LPP: variants seen among roughly 807,000 people sequenced by gnomAD.
LPP encodes lipoma-preferred partner.
In LPP, 38 loss-of-function variants were observed where a neutral mutation model predicts 60.4. The ratio of observed to expected loss-of-function variants is 0.63; its 90% CI spans 0.49 to 0.83. LPP has a LOEUF of 0.83. Among genes scored for constraint, LPP ranks in the 40% least tolerant of loss-of-function variants. The pLI is 0.00. For synonymous variants in LPP, 328 were observed against 290.8 expected (o/e 1.13, Z -1.30); for missense variants, 902 against 783.6 (o/e 1.15, Z -1.80).
intron 7 of LPP, among the ~76,000 whole-genome samples, chr3:188,698,708 G>A (rs1863790819): frequency 6.6e-6 from 1 of 152,168 alleles, no homozygotes; most frequent in Non-Finnish European, 1.5e-5. Context: ...GAAGCCTAAG[G>A]GAGGCTGCTC....
chr3:188,497,306 TATG>T (rs1810527911), intron 5 of LPP, among the ~76,000 whole-genome samples: 1 of 152,208 alleles, frequency 6.6e-6, no homozygotes, highest in Non-Finnish European at 1.5e-5. Context: ...GGTATGATAG[TATG>T]ATAATTCCAC....
chr3:188,799,597 G>C (rs1176626965), intron 9 of LPP, among the ~76,000 whole-genome samples: 2 of 152,096 alleles, frequency 1.3e-5, no homozygotes, highest in African/African-American at 4.8e-5. Context: ...TTCCAGCATA[G>C]AAGTATGTCA....
chr3:188,626,806 A>T (rs1384467608), intron 7 of LPP, among the ~76,000 whole-genome samples: 1 of 152,182 alleles, frequency 6.6e-6, no homozygotes, highest in African/African-American at 2.4e-5. Context: ...ATTAATTTGA[A>T]GGGAGACATG....
intron 3 of LPP, among the ~76,000 whole-genome samples, chr3:188,382,713 G>C (rs1197682793): frequency 6.6e-6 from 1 of 152,104 alleles, no homozygotes; most frequent in Non-Finnish European, 1.5e-5. Flanking sequence ...GCTAATTATG[G>C]TTTCGTTTCT....
intron 2 of LPP, among the ~76,000 whole-genome samples, chr3:188,310,349 C>T (rs1015448052): frequency 6.6e-6 from 1 of 151,820 alleles, no homozygotes; most frequent in African/African-American, 2.4e-5. Flanking sequence ...TGTGGTGATC[C>T]ATGTTCACAA....
chr3:188,318,781 C>T (rs1168585607), intron 2 of LPP, among the ~76,000 whole-genome samples: 7 of 95,166 alleles, frequency 7.4e-5, no homozygotes, highest in African/African-American at 1.9e-4. Context: ...TTTTTTGAGA[C>T]GGAGTCTCGC....
Position 188,406,143 on chromosome 3 carries a change from C to T in LPP, c.23C>T (p.Pro8Leu), listed in dbSNP as rs764400302. MSHPSWL[P>L]PKSTGEPLGH... ...ACAATGTCTCACCCATCTTGGCTGC[C>T]ACCCAAAAGCACTGGTGAGCCCCTC... Residue 8 changes from proline to leucine, a missense_variant, in exon 4 of 12, where the codon CCA becomes CTA. Transcript: ENST00000617246. 1 of 1,612,722 alleles carries T rather than the reference C, an allele frequency of 6.2e-7. No homozygotes were observed. Among genetic ancestry groups the T allele is most frequent in the South Asian group, 1.1e-5 (1 of 90,766 alleles).
chr3:188,876,523 C>T lies in LPP; in HGVS notation c.*2044C>T, dbSNP rs1769272992. The T allele has an allele frequency of 9.8e-6, 2 of 204,654 alleles. No individual in the cohort carries two copies. Among genetic ancestry groups the T allele is most frequent in the African/African-American group, 4.6e-5 (2 of 43,716 alleles). The allele number at this position is 204,654 out of a possible 1,614,324, so 12.7% of individuals were successfully genotyped here. A position where few individuals can be genotyped will look rare whatever the true frequency, so the allele number is the denominator to read the frequency against. On this transcript the variant is annotated 3_prime_UTR_variant, in exon 12 of 12. Transcript: ENST00000617246. ...TTTTGGGAGGCAATGTCAACTGTGT[C>T]TCTGAATTCCTGTCTTCCAAATTGA...
rs545004016 is a variant in LPP at position 188,888,299 on chromosome 3, G to A, written c.*13820G>A. ...AGTAGCAAATCTGTGCCATGAAGTAGATGTGGCGTGAAGATACAGAGCCTG... is the reference window on the plus strand; with the variant it reads ...AGTAGCAAATCTGTGCCATGAAGTAAATGTGGCGTGAAGATACAGAGCCTG... On this transcript the variant is annotated 3_prime_UTR_variant, in exon 12 of 12. Coordinates refer to ENST00000617246, the MANE Select transcript of LPP (RefSeq NM_001375462.1). 4.4e-6 allele frequency: 1 copy of A among 226,794 alleles called. No homozygotes were observed. The highest frequency in any genetic ancestry group is 1.8e-4 in the South Asian group (1 of 5,480). The allele number at this position is 226,794 out of a possible 1,614,324, so 14.0% of individuals were successfully genotyped here. A position where few individuals can be genotyped will look rare whatever the true frequency, so the allele number is the denominator to read the frequency against.
chr3:188,181,890 G>T (rs1725120412), intron 1 of LPP, among the ~76,000 whole-genome samples: 1 of 152,082 alleles, frequency 6.6e-6, no homozygotes, highest in African/African-American at 2.4e-5. Context: ...ACCTGGCCAT[G>T]TACATACTGT....
chr3:188,559,430 A>G (rs900664595), intron 6 of LPP, among the ~76,000 whole-genome samples: 1 of 152,124 alleles, frequency 6.6e-6, no homozygotes, highest in Non-Finnish European at 1.5e-5. Context: ...AACACTTTGC[A>G]CATTATGATA....
chr3:188,783,112 T>TATCCTACCCAATGGGATTCTTC (rs1740353548), intron 9 of LPP, among the ~76,000 whole-genome samples: 1 of 152,138 alleles, frequency 6.6e-6, no homozygotes, highest in African/African-American at 2.4e-5. Context: ...ATCCATTCTT[T>TATCCTACCCAATGGGATTCTTC]ATCCTACCCA....
At chr3:188,700,925 A>G (rs1232088860) in intron 7 of LPP, among the ~76,000 whole-genome samples, 1 of 152,234 alleles carries the variant, frequency 6.6e-6, no homozygotes, top group Non-Finnish European at 1.5e-5. Context: ...GAGTAGAACC[A>G]AAGGAAGCTT....
chr3:188,875,044 A>G lies in LPP; in HGVS notation c.*565A>G, dbSNP rs1769087283. 1 of 222,164 alleles carries G rather than the reference A, an allele frequency of 4.5e-6. No homozygotes were observed. The highest frequency in any genetic ancestry group is 5.7e-5 in the Admixed American group (1 of 17,432). The allele number at this position is 222,164 out of a possible 1,614,324, so 13.8% of individuals were successfully genotyped here. On this transcript the variant is annotated 3_prime_UTR_variant, in exon 12 of 12. Coordinates refer to ENST00000617246, the MANE Select transcript of LPP (RefSeq NM_001375462.1). The stretch of plus-strand genomic sequence containing the variant: ...TAGGCTGTAAAGAATTTAAGCTGTA[A>G]ATTACATAAGTTAGAACAAGCCCAA...
chr3:188,359,520 C>T (rs757723395), intron 3 of LPP, among the ~76,000 whole-genome samples: 16 of 152,068 alleles, frequency 1.1e-4, no homozygotes, highest in African/African-American at 2.9e-4. Flanking sequence ...TGCATTGGCC[C>T]GAAAGGGGAA....
At chr3:188,807,700 A>G (rs988125761) in intron 9 of LPP, among the ~76,000 whole-genome samples, 10 of 151,998 alleles carry the variant, frequency 6.6e-5, no homozygotes, top group African/African-American at 2.2e-4. Flanking sequence ...TTTTATTTTC[A>G]TAAGACAGAA....
intron 7 of LPP, among the ~76,000 whole-genome samples, chr3:188,699,120 C>T (rs920718940): frequency 6.6e-6 from 1 of 152,164 alleles, no homozygotes; most frequent in Non-Finnish European, 1.5e-5. Flanking sequence ...TTATTATTCT[C>T]CAGTTTATAT....
rs565649169 is a variant in LPP at position 188,572,225 on chromosome 3, A to G, written c.430-36936A>G. 1.3e-5 allele frequency among the ~76,000 whole-genome samples: 2 copies of G among 152,242 alleles called. No individual in the cohort carries two copies. Among genetic ancestry groups the G allele is most frequent in the South Asian group, 4.1e-4 (2 of 4,828 alleles). Reference sequence around the variant, plus strand: ...TGTAGAGGGGTGACATATGATAAAAAAACTATGGATAATTTTAAGCCATTT... The same window carrying G: ...TGTAGAGGGGTGACATATGATAAAAGAACTATGGATAATTTTAAGCCATTT... On this transcript the variant is annotated intron_variant, in intron 6 of 11. Transcript: ENST00000617246. The surrounding 1 kb of genome is among the most constrained non-coding windows in gnomAD (Gnocchi z 4.1).
chr3:188,770,455 TG>T (rs2150671651), intron 9 of LPP, among the ~76,000 whole-genome samples: 1 of 151,634 alleles, frequency 6.6e-6, no homozygotes, highest in East Asian at 2.0e-4. Context: ...CCTCCCAAAG[TG>T]CTGGGATTAC....
Sources: allele counts gnomAD v4.1 joint callset (sites outside exome capture counted in the v4.1 genomes callset), GRCh38; gene constraint gnomAD v4.1.1; non-coding constraint Gnocchi (gnomAD v3.1); transcripts MANE v1.5; gene names NCBI Gene and HGNC (gene_info 2026-07-23, HGNC 2026-07-21).